DCLRE1C: variants seen among roughly 807,000 people sequenced by gnomAD.
DCLRE1C encodes the protein DNA cross-link repair 1C.
DCLRE1C carries 47 observed loss-of-function variants against 61.4 expected under a neutral mutation model. That is an observed-to-expected ratio of 0.77 (90% CI 0.61 to 0.98). The LOEUF is 0.98. Among genes scored for constraint, DCLRE1C ranks in the 50% least tolerant of loss-of-function variants. The pLI, the probability that DCLRE1C is intolerant of heterozygous loss-of-function variation, is 0.00. For synonymous variants in DCLRE1C, 337 were observed against 287.6 expected, an observed-to-expected ratio of 1.17 and a Z score of -1.74; for missense variants, 858 against 816.0, an observed-to-expected ratio of 1.05 and a Z score of -0.63.
At chr10:14,911,927 C>T (rs1044039299) in intron 13 of DCLRE1C, among the ~76,000 whole-genome samples, 1 of 152,152 alleles carries the variant, frequency 6.6e-6, no homozygotes, top group Non-Finnish European at 1.5e-5. Context: ...CTAAAAAAGA[C>T]GGAAGTGTTG....
At chr10:14,934,963 T>C (rs560003412) in intron 6 of DCLRE1C, among the ~76,000 whole-genome samples, 188 bp from the exon 7 acceptor site, 17 of 152,006 alleles carry the variant, frequency 1.1e-4, no homozygotes, top group Admixed American at 1.0e-3. Flanking sequence ...TCTGGGATCA[T>C]GGGTTTGTGC....
In DCLRE1C at chr10:14,908,418, A is replaced by C. The variant is rs1834667110; in HGVS notation, c.2069T>G (p.Leu690Ter). 6.2e-7 allele frequency: 1 copy of C among 1,613,490 alleles called. No individual in the cohort carries two copies. The highest frequency in any genetic ancestry group is 1.3e-5 in the African/African-American group (1 of 75,000). ...AAACGCTTTGAATTCTTAGGTATCTAAGAGTGAGCATTTTCTTTTTTTGAC... is the reference window on the plus strand; with the variant it reads ...AAACGCTTTGAATTCTTAGGTATCTCAGAGTGAGCATTTTCTTTTTTTGAC... ...IAVKKRKCSL[L>*]DT The change falls in exon 14 of 14, where the codon TTA (leucine) becomes TGA (stop). Residue 690 changes from leucine (L) to a stop codon, truncating the protein, a stop_gained. Coordinates refer to ENST00000378278, the MANE Select transcript of DCLRE1C (RefSeq NM_001033855.3). LOFTEE classifies it high-confidence loss of function.
intron 1 of DCLRE1C, among the ~76,000 whole-genome samples, chr10:14,949,378 T>C (rs949423571): frequency 1.3e-5 from 2 of 152,208 alleles, no homozygotes; most frequent in Non-Finnish European, 2.9e-5. Flanking sequence ...GAATGAGAAC[T>C]GCTTCTAGCC....
intron 13 of DCLRE1C, among the ~76,000 whole-genome samples, chr10:14,914,037 CTT>C (rs1835749330): frequency 6.6e-6 from 1 of 152,158 alleles, no homozygotes; most frequent in South Asian, 2.1e-4. Flanking sequence ...AGAGGATAAA[CTT>C]AAACCTGACC....
At chr10:14,903,772 C>T (rs1564349664), downstream of DCLRE1C, 2 of 152,174 alleles carry the variant, frequency 1.3e-5, no homozygotes, top group African/African-American at 4.8e-5. Context: ...TGCAGCAAAT[C>T]TAGCTTTCAG....
chr10:14,938,157 G>A (rs747620226), intron 4 of DCLRE1C, among the ~76,000 whole-genome samples: 1 of 152,086 alleles, frequency 6.6e-6, no homozygotes, highest in Non-Finnish European at 1.5e-5. Context: ...AAAAGTCATG[G>A]CACACAGGAA....
At chr10:14,936,835 G>T (rs1251872248) in intron 4 of DCLRE1C, among the ~76,000 whole-genome samples, 1 of 152,130 alleles carries the variant, frequency 6.6e-6, no homozygotes, top group South Asian at 2.1e-4. Context: ...AAAACCGATG[G>T]CCACACAAAA....
intron 11 of DCLRE1C, among the ~76,000 whole-genome samples, chr10:14,926,084 C>T (rs1353559950): frequency 1.3e-5 from 2 of 152,182 alleles, no homozygotes; most frequent in African/African-American, 2.4e-5. Flanking sequence ...CCTCCCCAGC[C>T]CTGCGGAACT....
downstream of DCLRE1C, chr10:14,903,607 A>T (rs1341369845): frequency 6.6e-6 from 1 of 152,188 alleles, no homozygotes; most frequent in South Asian, 2.1e-4. Context: ...TGCCTGAATT[A>T]TTAGACCTTT....
intron 4 of DCLRE1C, among the ~76,000 whole-genome samples, chr10:14,938,965 A>G (rs1428375463): frequency 1.3e-5 from 2 of 152,182 alleles, no homozygotes; most frequent in African/African-American, 4.8e-5. Flanking sequence ...TCCCTCCCCA[A>G]AATTCCTATG....
At chr10:14,943,665 G>A (rs1183599893) in intron 3 of DCLRE1C, among the ~76,000 whole-genome samples, 1 of 152,142 alleles carries the variant, frequency 6.6e-6, no homozygotes, top group Non-Finnish European at 1.5e-5. Context: ...CGATTCTCCT[G>A]CCTCAGCATC....
In DCLRE1C at chr10:14,923,034, G is replaced by T; in HGVS notation, c.1008C>A (p.Asn336Lys). 6.2e-7 allele frequency: 1 copy of T among 1,614,022 alleles called. No homozygotes were observed. Among genetic ancestry groups the T allele is most frequent in the Non-Finnish European group, 8.5e-7 (1 of 1,179,924 alleles). ...KDFLSYLCPV[N>K]AYPNVIPVGT... is the part of the protein sequence containing the mutation. ...CAACTGGAATGACATTTGGATATGC[G>T]TTCACAGGACAGAGGTAGCTCAAGA... Residue 336 changes from asparagine to lysine, a missense_variant, in exon 12 of 14, where the codon AAC becomes AAA. This residue lies in a region of DCLRE1C where 843 missense variants were observed against 783.5 expected (regional missense o/e 1.08). Coordinates refer to ENST00000378278, the MANE Select transcript of DCLRE1C (RefSeq NM_001033855.3).
intron 12 of DCLRE1C, among the ~76,000 whole-genome samples, chr10:14,920,697 G>T (rs1819751446): frequency 6.6e-6 from 1 of 152,196 alleles, no homozygotes; most frequent in Non-Finnish European, 1.5e-5. Flanking sequence ...AATGAAGGAT[G>T]GGGGCCGGGT....
intron 12 of DCLRE1C, among the ~76,000 whole-genome samples, chr10:14,922,116 C>T (rs1235289940): frequency 1.3e-5 from 2 of 152,200 alleles, no homozygotes; most frequent in Non-Finnish European, 2.9e-5. Flanking sequence ...GGAACCCAAG[C>T]TCCATTCCCA....
chr10:14,949,218 C>T (rs1842109912), intron 1 of DCLRE1C, 131 bp from the exon 2 acceptor site: 1 of 688,376 alleles, frequency 1.5e-6, no homozygotes, highest in Admixed American at 2.3e-5. Flanking sequence ...AATTGATTCA[C>T]ATGGGCTATG....
chr10:14,928,221 AAAAAC>A, intron 9 of DCLRE1C, 69 bp from the exon 10 acceptor site: 1 of 1,465,342 alleles, frequency 6.8e-7, no homozygotes, highest in Non-Finnish European at 9.4e-7. Flanking sequence ...GCAGAGTCTC[AAAAAC>A]AAAAGTAGAA....
At position 14,909,210 on chromosome 10, in the gene DCLRE1C, G is replaced by T; in HGVS notation, c.1277C>A (p.Pro426His). ...TCCTGGGGTTTGTCTCAGTTTTTCAGGCTGCTTTTCTGATACTGCAGTCAT... is the reference window on the plus strand; with the variant it reads ...TCCTGGGGTTTGTCTCAGTTTTTCATGCTGCTTTTCTGATACTGCAGTCAT... ...FSMTAVSEKQ[P>H]EKLRQTPGCC... Residue 426 changes from proline to histidine, a missense_variant, in exon 14 of 14, where the codon CCT becomes CAT. Physicochemically the swap from Pro to His is moderately conservative, Grantham distance 77. Transcript: ENST00000378278. 3 of 1,614,080 alleles carry T rather than the reference G, an allele frequency of 1.9e-6. No homozygotes were observed. The African/African-American group carries it at 4.0e-5, about 22-fold the overall frequency.
At chr10:14,944,996 A>G in intron 3 of DCLRE1C, 109 bp downstream of exon 3, 1 of 776,116 alleles carries the variant, frequency 1.3e-6, no homozygotes, top group Non-Finnish European at 2.1e-6. Flanking sequence ...ATTCTAATTA[A>G]TGTGGATAAC....
chr10:14,920,083 G>A (rs1029230067), intron 12 of DCLRE1C, among the ~76,000 whole-genome samples: 2 of 152,122 alleles, frequency 1.3e-5, no homozygotes, highest in Admixed American at 6.5e-5. Flanking sequence ...AATGCAACCC[G>A]GTTGATGTTT....
Sources: allele counts gnomAD v4.1 joint callset (sites outside exome capture counted in the v4.1 genomes callset), GRCh38; gene constraint gnomAD v4.1.1; regional missense constraint gnomAD v4.1.1; transcripts MANE v1.5; gene names NCBI Gene and HGNC (gene_info 2026-07-23, HGNC 2026-07-21).